FIG4: variants seen among roughly 807,000 people sequenced by gnomAD.
FIG4 encodes the protein FIG4 phosphoinositide 5-phosphatase, also known as polyphosphoinositide phosphatase.
FIG4 carries 112 observed loss-of-function variants against 118.6 expected under a neutral mutation model. The ratio of observed to expected loss-of-function variants is 0.94; its 90% confidence interval spans 0.81 to 1.11. The LOEUF is 1.11. FIG4 is among the 50% of genes least tolerant of loss of function. The probability of loss-of-function intolerance (pLI) is 0.00; values close to 1 mark genes in which losing one functional copy is unlikely to be tolerated. For synonymous variants in FIG4, 369 were observed against 381.2 expected (o/e 0.97, Z 0.37); for missense variants, 969 against 1,111.7 (o/e 0.87, Z 1.83).
At position 109,719,167 on chromosome 6, in the gene FIG4, TCTCAGC is replaced by T. The variant is rs1194906823; in HGVS notation, c.289+2603_289+2608del. On this transcript the variant is annotated intron_variant, in intron 3 of 22. Coordinates refer to ENST00000230124, the MANE Select transcript of FIG4 (RefSeq NM_014845.6). ...CTCCTGGCCTCAAGCAATCTGCCTG[TCTCAGC>T]CTCCCAAAGTGCTGGGATTGCAGAT... is the stretch of plus-strand genomic sequence containing the variant. Among the ~76,000 whole-genome samples, 4 of 152,234 alleles carry T rather than the reference TCTCAGC, an allele frequency of 2.6e-5. 1 individual carries two copies. The South Asian group carries it at 8.3e-4, about 32-fold the overall frequency.
intron 10 of FIG4, among the ~76,000 whole-genome samples, chr6:109,747,169 G>T (rs561341871): frequency 7.9e-5 from 12 of 152,218 alleles, no homozygotes; most frequent in African/African-American, 2.6e-4. Flanking sequence ...TCAGGGCATG[G>T]TTCTGGAGCT....
chr6:109,739,112 G>T (rs1160805457), intron 7 of FIG4, among the ~76,000 whole-genome samples: 4 of 152,126 alleles, frequency 2.6e-5, no homozygotes, highest in African/African-American at 9.7e-5. Flanking sequence ...TTTCAAGCTG[G>T]ATTAAGTAAA....
At chr6:109,751,107 A>G (rs1776681686) in intron 10 of FIG4, among the ~76,000 whole-genome samples, 1 of 152,206 alleles carries the variant, frequency 6.6e-6, no homozygotes, top group Non-Finnish European at 1.5e-5. Context: ...AATCTCCATG[A>G]TTGAAAACAG....
In FIG4 at chr6:109,738,364, T is replaced by C. The variant is rs1036320063; in HGVS notation, c.686T>C (p.Val229Ala). 1 of 1,610,018 alleles carries C rather than the reference T, an allele frequency of 6.2e-7. No homozygotes were observed. The highest frequency in any genetic ancestry group is 1.3e-5 in the African/African-American group (1 of 74,812). Reference sequence around the variant, plus strand: ...TGTAGTGAGCCTTATATGAAATATGTATGGAATGGTGAACTTCTGGATATA... The same window carrying C: ...TGTAGTGAGCCTTATATGAAATATGCATGGAATGGTGAACTTCTGGATATA... ...GICSEPYMKY[V>A]WNGELLDIIK... Residue 229 changes from valine to alanine, a missense_variant, in exon 7 of 23, where the codon GTA becomes GCA. Physicochemically the swap from Val to Ala is moderately conservative, Grantham distance 64. Coordinates refer to ENST00000230124, the MANE Select transcript of FIG4 (RefSeq NM_014845.6).
chr6:109,780,553 C>G (rs1483672407), intron 16 of FIG4, among the ~76,000 whole-genome samples: 1 of 152,156 alleles, frequency 6.6e-6, no homozygotes, highest in East Asian at 1.9e-4. Flanking sequence ...TAGTTTTTAA[C>G]ATTTATTAAA....
At chr6:109,694,139 GA>G (rs919105468) in intron 1 of FIG4, among the ~76,000 whole-genome samples, 40 of 151,958 alleles carry the variant, frequency 2.6e-4, no homozygotes, top group South Asian at 1.2e-3. Flanking sequence ...ATTTAGTAAA[GA>G]AAAAAAATGA....
chr6:109,751,034 C>T (rs993189290), intron 10 of FIG4, among the ~76,000 whole-genome samples: 1 of 152,152 alleles, frequency 6.6e-6, no homozygotes, highest in African/African-American at 2.4e-5. Flanking sequence ...CAGCTGTGCT[C>T]AATAGCTACC....
intron 3 of FIG4, among the ~76,000 whole-genome samples, chr6:109,719,237 A>C (rs1259512149): frequency 6.6e-6 from 1 of 152,114 alleles, no homozygotes; most frequent in Admixed American, 6.5e-5. Flanking sequence ...TTTGATAGGC[A>C]TTTCATAATG....
chr6:109,711,952 T>C (rs1375455502), intron 1 of FIG4, among the ~76,000 whole-genome samples: 1 of 152,234 alleles, frequency 6.6e-6, no homozygotes, highest in Non-Finnish European at 1.5e-5. Context: ...AAGGCAGTTC[T>C]GGTGGTAACA....
At chr6:109,699,483 GGTTTTTTTTTGTTT>G (rs1693105770) in intron 1 of FIG4, among the ~76,000 whole-genome samples, 1 of 150,714 alleles carries the variant, frequency 6.6e-6, no homozygotes, top group Non-Finnish European at 1.5e-5. Context: ...CCTCATACGC[GGTTTTTTTTTGTTT>G]GTTTTTTTTT....
At chr6:109,796,990 T>C in intron 22 of FIG4, 139 bp downstream of exon 22, 1 of 662,132 alleles carries the variant, frequency 1.5e-6, no homozygotes, top group East Asian at 2.8e-5. Flanking sequence ...TGTGGTACCT[T>C]ACTTGAGGAA....
chr6:109,727,309 C>G (rs1583655447), intron 4 of FIG4, 44 bp downstream of exon 4: 1 of 1,502,516 alleles, frequency 6.7e-7, no homozygotes, highest in Non-Finnish European at 9.2e-7. Flanking sequence ...GAGACAAGGT[C>G]TTGCCCTGTT....
chr6:109,730,731 T>C (rs1288176680), intron 4 of FIG4, among the ~76,000 whole-genome samples: 1 of 152,162 alleles, frequency 6.6e-6, no homozygotes, highest in Non-Finnish European at 1.5e-5. Context: ...AAAATGAAAT[T>C]TGATTCCATT....
At chr6:109,786,653 T>A (rs947493741) in intron 18 of FIG4, among the ~76,000 whole-genome samples, 4 of 152,166 alleles carry the variant, frequency 2.6e-5, no homozygotes, top group African/African-American at 9.6e-5. Flanking sequence ...TGGAGTTGAT[T>A]TCTCCCCTTT....
chr6:109,805,683 G>C (rs931736888), intron 22 of FIG4, among the ~76,000 whole-genome samples: 5 of 152,062 alleles, frequency 3.3e-5, no homozygotes, highest in African/African-American at 1.2e-4. Context: ...AGACCATCTT[G>C]ACTTTCTTAA....
chr6:109,703,169 T>A (rs1278031508), intron 1 of FIG4, among the ~76,000 whole-genome samples: 1 of 152,104 alleles, frequency 6.6e-6, no homozygotes, highest in Non-Finnish European at 1.5e-5. Flanking sequence ...ATAAAATAAA[T>A]ACTGAATTAA....
At chr6:109,748,540 G>T (rs1776578595) in intron 10 of FIG4, among the ~76,000 whole-genome samples, 1 of 152,144 alleles carries the variant, frequency 6.6e-6, no homozygotes, top group Non-Finnish European at 1.5e-5. Context: ...ATGAATTGGT[G>T]TAAGATGTGA....
At chr6:109,707,423 A>G (rs1271122221) in intron 1 of FIG4, among the ~76,000 whole-genome samples, 1 of 147,710 alleles carries the variant, frequency 6.8e-6, no homozygotes, top group African/African-American at 2.5e-5. Context: ...ATACCTATAC[A>G]TATATACATA....
intron 16 of FIG4, among the ~76,000 whole-genome samples, chr6:109,780,053 TACCTGGGTG>T (rs1396478434): frequency 6.6e-6 from 1 of 152,212 alleles, no homozygotes; most frequent in Non-Finnish European, 1.5e-5. Flanking sequence ...CTCCAGTTAA[TACCTGGGTG>T]ACCTTGGGCA....
Sources: gnomAD v4.1 joint callset for allele counts (sites outside exome capture counted in the v4.1 genomes callset) on GRCh38, gnomAD v4.1.1 for gene constraint, MANE v1.5 for transcripts, NCBI Gene and HGNC (gene_info 2026-07-23, HGNC 2026-07-21) for gene names.